PCDHA1: variants seen among roughly 807,000 people sequenced by gnomAD.
PCDHA1 encodes the protein protocadherin alpha-1.
In PCDHA1, 42 loss-of-function variants were observed where a neutral mutation model predicts 61.3. The observed-to-expected ratio is 0.69, with a 90% CI of 0.54 to 0.89. The LOEUF (loss-of-function observed/expected upper bound fraction) is 0.89, where lower values mean the gene tolerates loss of function less well. Ranked by LOEUF, PCDHA1 falls within the 40% of genes least tolerant of loss-of-function variation. The probability of loss-of-function intolerance (pLI) is 0.00; values close to 1 mark genes in which losing one functional copy is unlikely to be tolerated. For missense variants in PCDHA1, 1,256 were observed against 1,235.3 expected (o/e 1.02, Z -0.25); for synonymous variants, 610 against 553.8 (o/e 1.10, Z -1.43).
intron 1 of PCDHA1, chr5:140,882,737 G>A (rs1375859660): frequency 6.2e-7 from 1 of 1,614,090 alleles, no homozygotes; most frequent in Admixed American, 1.7e-5. Flanking sequence ...ACTAGATGGC[G>A]CATCCGATGC....
chr5:140,870,388 G>T, intron 1 of PCDHA1: 1 of 1,614,232 alleles, frequency 6.2e-7, no homozygotes. Context: ...TGCGCGGGAT[G>T]GGGGTTCGCC....
chr5:140,843,876 C>A, intron 1 of PCDHA1: 1 of 763,300 alleles, frequency 1.3e-6, no homozygotes, highest in African/African-American at 1.8e-5. Flanking sequence ...TTCTCAGTGG[C>A]ATAATACAGT....
chr5:140,883,486 A>G (rs2059636103), intron 1 of PCDHA1: 1 of 1,614,016 alleles, frequency 6.2e-7, no homozygotes, highest in Non-Finnish European at 8.5e-7. Context: ...ACTACTACTC[A>G]TTAGTGCTGG....
chr5:140,969,068 A>C (rs2096293164), intron 1 of PCDHA1: 2 of 1,614,046 alleles, frequency 1.2e-6, no homozygotes, highest in South Asian at 2.2e-5. Flanking sequence ...TGATGCCAGG[A>C]TACCGCATGG....
intron 1 of PCDHA1, chr5:140,854,437 A>G (rs551404343): frequency 6.6e-6 from 1 of 150,916 alleles, no homozygotes; most frequent in African/African-American, 2.4e-5. Context: ...AATTTGAATG[A>G]ATTTTGATGC....
At chr5:140,795,413 C>T in intron 1 of PCDHA1, 1 of 1,614,192 alleles carries the variant, frequency 6.2e-7, no homozygotes, top group African/African-American at 1.3e-5. Flanking sequence ...CTGCTTGATT[C>T]TCGGTTTCCT....
rs79693309 is a variant in PCDHA1, at chr5:140,789,699, C to T, written c.2394+1015C>T. Among the ~76,000 whole-genome samples, 750 of 152,278 alleles carry T rather than the reference C, an allele frequency of 4.9e-3. 3 individuals carry two copies. The highest frequency in any genetic ancestry group is 0.017 in the African/African-American group (718 of 41,534). Reference sequence around the variant, plus strand: ...ACCTCCCATTCCTCCCATTCACTCACAAATGTTCTAAAACCCTTTACTTTT... The same window carrying T: ...ACCTCCCATTCCTCCCATTCACTCATAAATGTTCTAAAACCCTTTACTTTT... On this transcript the variant is annotated intron_variant, in intron 1 of 3. Coordinates refer to ENST00000504120, the MANE Select transcript of PCDHA1 (RefSeq NM_018900.4).
intron 1 of PCDHA1, chr5:140,883,801 C>T (rs782690228): frequency 4.3e-6 from 7 of 1,612,430 alleles, no homozygotes; most frequent in Non-Finnish European, 5.9e-6. Context: ...TGTCGGTGCA[C>T]GCGGAGAGCG....
intron 1 of PCDHA1, among the ~76,000 whole-genome samples, chr5:140,800,467 T>A (rs2149943648): frequency 6.6e-6 from 1 of 152,302 alleles, no homozygotes; most frequent in South Asian, 2.1e-4. Flanking sequence ...ATGTATGTTT[T>A]AATATATACA....
At chr5:140,856,609 A>G in intron 1 of PCDHA1, 1 of 1,598,102 alleles carries the variant, frequency 6.3e-7, no homozygotes, top group Non-Finnish European at 8.6e-7. Context: ...AAAAAGACAA[A>G]GACAAATTCC....
intron 1 of PCDHA1, among the ~76,000 whole-genome samples, chr5:140,847,026 G>T (rs1780819031): frequency 6.7e-6 from 1 of 149,736 alleles, no homozygotes; most frequent in Non-Finnish European, 1.5e-5. Flanking sequence ...TTCTTGGAAA[G>T]AGAAAACATA....
intron 1 of PCDHA1, chr5:140,808,224 A>G (rs1554124464): frequency 1.2e-6 from 2 of 1,614,234 alleles, no homozygotes; most frequent in East Asian, 2.2e-5. Flanking sequence ...AACAACGATA[A>G]TGTCCCAGAT....
At chr5:140,822,270 A>T in intron 1 of PCDHA1, 1 of 1,614,256 alleles carries the variant, frequency 6.2e-7, no homozygotes, top group Non-Finnish European at 8.5e-7. Context: ...GAGCAAATGC[A>T]CAATTGAGAT....
At chr5:140,901,278 A>AT (rs1554189713) in intron 1 of PCDHA1, among the ~76,000 whole-genome samples, 2 of 152,102 alleles carry the variant, frequency 1.3e-5, no homozygotes, top group Non-Finnish European at 2.9e-5. Context: ...TACTCAAGAA[A>AT]TTTTTGCCCA....
At chr5:140,817,727 G>A (rs1353806960) in intron 1 of PCDHA1, 3 of 151,996 alleles carry the variant, frequency 2.0e-5, no homozygotes, top group Non-Finnish European at 4.4e-5. Context: ...ACCTATATAT[G>A]TTTCTTTCTG....
At chr5:140,795,850 G>A in intron 1 of PCDHA1, 1 of 1,613,920 alleles carries the variant, frequency 6.2e-7, no homozygotes, top group Admixed American at 1.7e-5. Flanking sequence ...GTTTACCATA[G>A]ATCCCATCTC....
At chr5:140,999,004 A>T (rs2097842745) in intron 3 of PCDHA1, among the ~76,000 whole-genome samples, 1 of 152,258 alleles carries the variant, frequency 6.6e-6, no homozygotes, top group South Asian at 2.1e-4. Flanking sequence ...GCTGGAGCTG[A>T]GATTTGAACC....
intron 1 of PCDHA1, chr5:140,829,779 C>A (rs2150174490): frequency 6.2e-7 from 1 of 1,613,790 alleles, no homozygotes; most frequent in South Asian, 1.1e-5. Context: ...GACAACGCGC[C>A]GGCGCTGCTG....
intron 1 of PCDHA1, chr5:140,829,474 A>C: frequency 6.2e-7 from 1 of 1,613,826 alleles, no homozygotes; most frequent in Non-Finnish European, 8.5e-7. Context: ...CCGAGTACAC[A>C]GTGTTCGTGA....
Sources: allele counts gnomAD v4.1 joint callset (sites outside exome capture counted in the v4.1 genomes callset), GRCh38; gene constraint gnomAD v4.1.1; transcripts MANE v1.5; gene names NCBI Gene and HGNC (gene_info 2026-07-23, HGNC 2026-07-21).